FLI1: variants seen among roughly 807,000 people sequenced by gnomAD.
FLI1 encodes the protein Fli-1 proto-oncogene, ETS transcription factor.
In FLI1, 13 loss-of-function variants were observed where a neutral mutation model predicts 53.1. The observed-to-expected ratio is 0.24, with a 90% CI of 0.16 to 0.39. The LOEUF is 0.39. Among genes scored for constraint, FLI1 ranks in the 10% least tolerant of loss-of-function variants. The probability of loss-of-function intolerance (pLI) is 1.00; values close to 1 mark genes in which losing one functional copy is unlikely to be tolerated. For missense variants in FLI1, 424 were observed against 600.5 expected (o/e 0.71, Z 3.07); for synonymous variants, 244 against 236.7 (o/e 1.03, Z -0.28).
chr11:128,694,923 G>A, intron 1 of FLI1, among the ~76,000 whole-genome samples: 1 of 152,144 alleles, frequency 6.6e-6, no homozygotes, highest in East Asian at 1.9e-4. Flanking sequence ...CGCCGGCTCC[G>A]CGGGACTCCT....
intron 3 of FLI1, among the ~76,000 whole-genome samples, chr11:128,769,800 C>G (rs2135837201): frequency 6.6e-6 from 1 of 152,344 alleles, no homozygotes; most frequent in African/African-American, 2.4e-5. Flanking sequence ...CATGGCATTA[C>G]TTAAAACACC....
intron 7 of FLI1, 77 bp downstream of exon 7, chr11:128,807,316 T>C: frequency 2.0e-6 from 2 of 990,300 alleles, no homozygotes; most frequent in Non-Finnish European, 3.0e-6. Context: ...TGATGGAGGG[T>C]TTAAACAATA....
intron 5 of FLI1, 40 bp downstream of exon 5, chr11:128,782,063 A>G (rs1214137423): frequency 3.4e-6 from 5 of 1,478,390 alleles, no homozygotes; most frequent in Non-Finnish European, 4.7e-6. Context: ...TTTCTTCTGT[A>G]CCAGACATGA....
intron 5 of FLI1, among the ~76,000 whole-genome samples, chr11:128,789,770 G>C (rs116978987): frequency 6.6e-6 from 1 of 152,092 alleles, no homozygotes; most frequent in Non-Finnish European, 1.5e-5. Context: ...AGAGTGCAGC[G>C]TATGGGGGCT....
intron 8 of FLI1, 45 bp downstream of exon 8, chr11:128,809,249 G>A (rs376780367): frequency 1.7e-5 from 26 of 1,549,528 alleles, no homozygotes; most frequent in Middle Eastern, 1.7e-4. Context: ...AGAATGTTTC[G>A]TAGCTTTGTG....
At chr11:128,807,360 A>T in intron 7 of FLI1, 121 bp downstream of exon 7, 1 of 606,148 alleles carries the variant, frequency 1.6e-6, no homozygotes. Flanking sequence ...TCTCTCAAAG[A>T]GGGTCTATCT....
At chr11:128,759,495 G>A (rs679853) in intron 2 of FLI1, among the ~76,000 whole-genome samples, 1 of 151,984 alleles carries the variant, frequency 6.6e-6, no homozygotes, top group Non-Finnish European at 1.5e-5. Context: ...AATGAAGTTC[G>A]GAACTAAGTG....
intron 1 of FLI1, among the ~76,000 whole-genome samples, chr11:128,710,203 G>A (rs1046131023): frequency 8.5e-5 from 13 of 152,120 alleles, no homozygotes; most frequent in Non-Finnish European, 1.6e-4. Context: ...AAGGGAAGGA[G>A]AACATTTGCC....
chr11:128,762,715 T>C (rs1353387301), intron 2 of FLI1, among the ~76,000 whole-genome samples: 1 of 152,180 alleles, frequency 6.6e-6, no homozygotes. Flanking sequence ...CCCAGCACTT[T>C]GGGAGGCCAA....
rs1241457903 is a variant in FLI1 at position 128,758,132 on chromosome 11, G to A, written c.36G>A (p.Val12=). Residue 12 remains valine, a synonymous_variant, in exon 2 of 9, where the codon GTG becomes GTA. Transcript: ENST00000527786. ...DGTIKEALSV[V]SDDQSLFDSA... ...CCCTGCAGGAGGCTCTGTCGGTGGT[G>A]AGCGACGACCAGTCCCTCTTTGACT... 2.5e-6 allele frequency: 4 copies of A among 1,612,712 alleles called. No individual in the cohort carries two copies. The highest frequency in any genetic ancestry group is 2.2e-5 in the East Asian group (1 of 44,838).
chr11:128,788,191 C>T (rs1233041951), intron 5 of FLI1, among the ~76,000 whole-genome samples: 5 of 151,976 alleles, frequency 3.3e-5, no homozygotes, highest in East Asian at 3.9e-4. Flanking sequence ...ATTCGGGGGC[C>T]GGGCATGGTG....
At chr11:128,760,059 A>T (rs1213953223) in intron 2 of FLI1, among the ~76,000 whole-genome samples, 1 of 152,144 alleles carries the variant, frequency 6.6e-6, no homozygotes, top group African/African-American at 2.4e-5. Context: ...GGATTTCAGG[A>T]AGGCTCAGAG....
intron 1 of FLI1, among the ~76,000 whole-genome samples, chr11:128,724,575 G>A (rs936180845): frequency 2.0e-5 from 3 of 152,216 alleles, no homozygotes; most frequent in African/African-American, 4.8e-5. Context: ...ACTGAATCGA[G>A]TATGGATGAT....
At chr11:128,694,370 T>A in intron 1 of FLI1, 94 bp downstream of exon 1, 1 of 1,016,214 alleles carries the variant, frequency 9.8e-7, no homozygotes, top group Non-Finnish European at 1.3e-6. Context: ...CCGGAAGACG[T>A]GGCCTCTCTC....
upstream of FLI1, among the ~76,000 whole-genome samples, chr11:128,689,057 C>G (rs1467181702): frequency 2.0e-5 from 3 of 152,132 alleles, no homozygotes; most frequent in Non-Finnish European, 2.9e-5. Flanking sequence ...TACAACAGCC[C>G]TTTGAGATAA....
At chr11:128,767,162 C>T (rs1462573729) in intron 2 of FLI1, among the ~76,000 whole-genome samples, 3 of 152,202 alleles carry the variant, frequency 2.0e-5, no homozygotes, top group Admixed American at 2.0e-4. Flanking sequence ...CTGCCCATCA[C>T]CAGTGCTGCA....
At chr11:128,751,237 A>T (rs1381909006) in intron 1 of FLI1, among the ~76,000 whole-genome samples, 2 of 152,184 alleles carry the variant, frequency 1.3e-5, no homozygotes, top group African/African-American at 4.8e-5. Context: ...TCTTTTAAAC[A>T]ATCAACATTC....
Position 128,776,256 on chromosome 11 carries a change from G to C in FLI1, c.589+3271G>C, listed in dbSNP as rs189322555. ...GCGTGTCAGCTGTGCCAGAGGAGCT[G>C]TGTCACACGCCACACAGGCGCCCAC... On this transcript the variant is annotated intron_variant, in intron 4 of 8. Coordinates refer to ENST00000527786, the MANE Select transcript of FLI1 (RefSeq NM_002017.5). Among the ~76,000 whole-genome samples the C allele has an allele frequency of 1.1e-4, 17 of 152,290 alleles. No individual in the cohort carries two copies. In the East Asian group the frequency reaches 3.3e-3, roughly 29 times the overall value.
chr11:128,720,417 A>G (rs1206203379), intron 1 of FLI1, among the ~76,000 whole-genome samples: 1 of 152,216 alleles, frequency 6.6e-6, no homozygotes, highest in Non-Finnish European at 1.5e-5. Flanking sequence ...TAGGCTCTAA[A>G]AAGGAGCCCA....
Sources: allele counts gnomAD v4.1 joint callset (sites outside exome capture counted in the v4.1 genomes callset), GRCh38; gene constraint gnomAD v4.1.1; transcripts MANE v1.5; gene names NCBI Gene and HGNC (gene_info 2026-07-23, HGNC 2026-07-21).